The following WDR47 variants were observed in gnomAD, a reference collection of about 807,000 sequenced individuals.
WDR47 encodes WD repeat-containing protein 47.
A neutral mutation model predicts 97.2 loss-of-function variants in WDR47; 32 were observed. The ratio of observed to expected loss-of-function variants is 0.33; its 90% CI spans 0.25 to 0.44. WDR47 has a LOEUF of 0.44. WDR47 is among the 20% of genes least tolerant of loss of function. The probability of loss-of-function intolerance (pLI) is 1.00; values close to 1 mark genes in which losing one functional copy is unlikely to be tolerated. For missense variants in WDR47, 782 were observed against 1,102.3 expected (o/e 0.71, Z 4.11); for synonymous variants, 375 against 373.5 (o/e 1.00, Z -0.05).
intron 10 of WDR47, among the ~76,000 whole-genome samples, chr1:108,984,607 T>C (rs1658619926): frequency 6.6e-6 from 1 of 152,098 alleles, no homozygotes; most frequent in South Asian, 2.1e-4. Context: ...AGGCAGGGTG[T>C]GATGGCTCAG....
intron 8 of WDR47, among the ~76,000 whole-genome samples, chr1:108,994,128 T>C (rs1450343171): frequency 6.6e-6 from 1 of 152,144 alleles, no homozygotes; most frequent in African/African-American, 2.4e-5. Context: ...CCGGGTGCGG[T>C]GGCTCATGCC....
chr1:109,014,593 C>T (rs893246667), intron 3 of WDR47, among the ~76,000 whole-genome samples: 14 of 151,590 alleles, frequency 9.2e-5, no homozygotes, highest in East Asian at 3.9e-4. Context: ...CCACAGCACC[C>T]GGCCAATTTT....
rs149163963 is a variant in WDR47, at chr1:108,978,545, C to T, written c.2398+3188G>A. ...GCCTAGCACACAGAATAGGTTTCAG[C>T]TAGAGATAAAAATATAAGTCTTTCA... On this transcript the variant is annotated intron_variant, in intron 13 of 14. Transcript: ENST00000369962. Among the ~76,000 whole-genome samples the T allele has an allele frequency of 3.5e-3, 533 of 151,014 alleles. 1 individual carries two copies. The highest frequency in any genetic ancestry group is 6.1e-3 in the Non-Finnish European group (416 of 67,824).
At position 109,011,690 on chromosome 1, in the gene WDR47, T is replaced by A; in HGVS notation, c.356A>T (p.Gln119Leu). 6.2e-7 allele frequency: 1 copy of A among 1,603,772 alleles called. No homozygotes were observed. Among genetic ancestry groups the A allele is most frequent in the Admixed American group, 1.7e-5 (1 of 58,316 alleles). ...GTATTCTTCTAGAGCATGTAAACAT[T>A]GCACAGCTTCTTGCATGGTAAATTC... ...HLEFTMQEAV[Q>L]CLHALEEYCP... The change falls in exon 5 of 15, where the codon CAA becomes CTA. Residue 119 changes from glutamine (Q) to leucine (L), a missense_variant. Physicochemically the swap from Gln to Leu is moderately radical, Grantham distance 113. Coordinates refer to ENST00000369962, the MANE Select transcript of WDR47 (RefSeq NM_001142551.2).
intron 13 of WDR47, among the ~76,000 whole-genome samples, chr1:108,978,795 G>C (rs1253273715): frequency 6.6e-6 from 1 of 152,174 alleles, no homozygotes; most frequent in Non-Finnish European, 1.5e-5. Context: ...GCAAAATTAG[G>C]ATATAAAAGT....
At position 109,017,592 on chromosome 1, in the gene WDR47, T is replaced by C. The variant is rs1249900512; in HGVS notation, c.168A>G (p.Ile56Met). Residue 56 changes from isoleucine to methionine, a missense_variant, in exon 3 of 15, where the codon ATA becomes ATG. This residue lies in a region of WDR47 where 428 missense variants were observed against 584.3 expected (regional missense o/e 0.73). Coordinates refer to ENST00000369962, the MANE Select transcript of WDR47 (RefSeq NM_001142551.2). The stretch of plus-strand genomic sequence containing the variant: ...GAACTTCATCCCATTGACCATCAAG[T>C]ATTAGCTGCCTAAATAAAAAATTTA... ...SDDMLFLRQL[I>M]LDGQWDEVLQ... 1 of 1,608,802 alleles carries C rather than the reference T, an allele frequency of 6.2e-7. No individual in the cohort carries two copies.
chr1:109,020,163 C>T (rs1400236328), intron 2 of WDR47, among the ~76,000 whole-genome samples: 4 of 151,324 alleles, frequency 2.6e-5, no homozygotes, highest in Non-Finnish European at 5.9e-5. Flanking sequence ...TATAAAGGTG[C>T]ATTTCAATAT....
At position 109,031,625 on chromosome 1, in the gene WDR47, T is replaced by C. The variant is rs911008813; in HGVS notation, c.-9-8104A>G. On this transcript the variant is annotated intron_variant, in intron 1 of 14. Transcript: ENST00000369962. ...GGACAAATATTACCTATTCAAAAAATTAAAAATAATAAAACATAAATAACA... is the reference window on the plus strand; with the variant it reads ...GGACAAATATTACCTATTCAAAAAACTAAAAATAATAAAACATAAATAACA... Among the ~76,000 whole-genome samples the C allele has an allele frequency of 2.9e-5, 4 of 138,616 alleles. 1 individual carries two copies. Among genetic ancestry groups the C allele is most frequent in the East Asian group, 2.1e-4 (1 of 4,734 alleles). 90.9% of individuals were successfully genotyped at this position (138,616 alleles called of 152,430 possible).
At chr1:109,012,441 C>A (rs1160847849) in intron 4 of WDR47, among the ~76,000 whole-genome samples, 1 of 151,776 alleles carries the variant, frequency 6.6e-6, no homozygotes, top group African/African-American at 2.4e-5. Context: ...GGCACAGTGG[C>A]GGGCACCTGT....
rs771513752 is a variant in WDR47, at chr1:109,011,552, A to C, written c.494T>G (p.Phe165Cys). The change falls in exon 5 of 15, where the codon TTT (phenylalanine) becomes TGT (cysteine). Residue 165 changes from phenylalanine (F) to cysteine (C), a missense_variant. By Grantham distance (205) the Phe-to-Cys change is radical. This residue lies in a region of WDR47 where 428 missense variants were observed against 584.3 expected (regional missense o/e 0.73). Transcript: ENST00000369962. ...WNPSTARVHC[F>C]EEACVMVAEF... ...TGCAACCATGACACAAGCCTCTTCA[A>C]AACAGTGAACTCGTGCGGTGCTGGG... 2 of 1,614,200 alleles carry C rather than the reference A, an allele frequency of 1.2e-6. No individual in the cohort carries two copies. The highest frequency in any genetic ancestry group is 2.2e-5 in the South Asian group (2 of 91,086).
intron 1 of WDR47, among the ~76,000 whole-genome samples, chr1:109,031,527 G>A (rs1263802547): frequency 2.2e-5 from 3 of 138,816 alleles, no homozygotes; most frequent in African/African-American, 7.8e-5. Context: ...TAACAAACCT[G>A]TACATGTACC....
At chr1:109,004,075 T>A (rs1660399179) in intron 6 of WDR47, among the ~76,000 whole-genome samples, 2 of 151,976 alleles carry the variant, frequency 1.3e-5, no homozygotes, top group East Asian at 1.9e-4. Flanking sequence ...CCATCCTGGC[T>A]AACATGGTGA....
At chr1:109,002,603 A>G (rs1399165957) in intron 6 of WDR47, among the ~76,000 whole-genome samples, 1 of 152,220 alleles carries the variant, frequency 6.6e-6, no homozygotes, top group Admixed American at 6.5e-5. Context: ...TTCCACGGAA[A>G]CAGACTGACC....
intron 1 of WDR47, among the ~76,000 whole-genome samples, chr1:109,026,347 AC>A (rs1490513576): frequency 1.8e-4 from 4 of 21,918 alleles, no homozygotes; most frequent in African/African-American, 4.1e-4. Context: ...CACCGTGCCC[AC>A]CTTTTTTTTT....
chr1:108,986,800 T>C (rs898514858), intron 9 of WDR47, 120 bp from the exon 10 acceptor site: 1 of 822,160 alleles, frequency 1.2e-6, no homozygotes, highest in South Asian at 2.1e-5. Flanking sequence ...TTAGGTTTAC[T>C]GCCAATAACC....
At chr1:108,997,184 G>A (rs1218385164) in intron 7 of WDR47, among the ~76,000 whole-genome samples, 4 of 151,760 alleles carry the variant, frequency 2.6e-5, no homozygotes, top group African/African-American at 9.7e-5. Flanking sequence ...CCAGAACTTT[G>A]GGAGGCCAAG....
rs1657429860 is a variant in WDR47, at chr1:108,971,215, T to C, written c.*215A>G. 3.5e-6 allele frequency: 2 copies of C among 565,490 alleles called. No homozygotes were observed. The highest frequency in any genetic ancestry group is 6.0e-6 in the Non-Finnish European group (2 of 330,882). 35.0% of individuals were successfully genotyped at this position (565,490 alleles called of 1,614,324 possible). The stretch of plus-strand genomic sequence containing the variant: ...CAGACTTTGGCAACGAGACTACATA[T>C]AGCAGGTCACAGCAGCACGAGCTCA... On this transcript the variant is annotated 3_prime_UTR_variant, in exon 15 of 15. Transcript: ENST00000369962.
chr1:108,996,960 A>G (rs1276067519), intron 7 of WDR47, among the ~76,000 whole-genome samples: 2 of 152,096 alleles, frequency 1.3e-5, no homozygotes, highest in Non-Finnish European at 2.9e-5. Flanking sequence ...TACTAAAAAT[A>G]CAAGAATTAG....
chr1:109,000,725 C>G (rs1428193959), intron 7 of WDR47, among the ~76,000 whole-genome samples: 1 of 151,812 alleles, frequency 6.6e-6, no homozygotes, highest in Non-Finnish European at 1.5e-5. Flanking sequence ...AAAACCACTC[C>G]CTTTGTGAAG....
Sources: allele counts gnomAD v4.1 joint callset (sites outside exome capture counted in the v4.1 genomes callset), GRCh38; gene constraint gnomAD v4.1.1; regional missense constraint gnomAD v4.1.1; transcripts MANE v1.5; gene names NCBI Gene and HGNC (gene_info 2026-07-23, HGNC 2026-07-21).